Variants in PCDHB10 observed in about 807,000 individuals in gnomAD.
PCDHB10 encodes the protein protocadherin beta-10.
For missense variants in PCDHB10, 1,046 were observed against 1,004.7 expected (o/e 1.04, Z -0.56); for synonymous variants, 448 against 449.2 (o/e 1.00, Z 0.04).
At position 141,193,934 on chromosome 5, in the gene PCDHB10, G is replaced by C. The variant is rs782182690; in HGVS notation, c.1382G>C (p.Arg461Pro). The change falls in exon 1 of 1, where the codon CGC (arginine) becomes CCC (proline). Residue 461 changes from arginine (R) to proline (P), a missense_variant. By Grantham distance (103) the Arg-to-Pro change is moderately radical (BLOSUM62 -2). Transcript: ENST00000239446. ...FTQTSYTLFV[R>P]ENNSPALHIG... is the part of the protein sequence containing the mutation. Reference sequence around the variant, plus strand: ...CAAACCTCCTACACCCTGTTCGTCCGCGAGAACAACAGCCCCGCCCTGCAC... The same window carrying C: ...CAAACCTCCTACACCCTGTTCGTCCCCGAGAACAACAGCCCCGCCCTGCAC... 3.7e-6 allele frequency: 6 copies of C among 1,612,422 alleles called. No homozygotes were observed. The highest frequency in any genetic ancestry group is 3.3e-5 in the South Asian group (3 of 90,994).
At position 141,194,842 on chromosome 5, in the gene PCDHB10, A is replaced by C; in HGVS notation, c.2290A>C (p.Ser764Arg). 3 of 1,614,200 alleles carry C rather than the reference A, an allele frequency of 1.9e-6. No individual in the cohort carries two copies. Among genetic ancestry groups the C allele is most frequent in the Non-Finnish European group, 2.5e-6 (3 of 1,180,038 alleles). Residue 764 changes from serine (S) to arginine (R), a missense_variant, in exon 1 of 1, where the codon AGT becomes CGT. Physicochemically the swap from Ser to Arg is moderately radical, Grantham distance 110. Coordinates refer to ENST00000239446, the MANE Select transcript of PCDHB10 (RefSeq NM_018930.4). ...GTGTCTGACGGGAGGCCCCGGGACC[A>C]GTGAGTTCAAGTTCTTGAAACCAGT... Reference protein sequence around the residue: ...EVCLTGGPGTSEFKFLKPVIS... With the variant: ...EVCLTGGPGTREFKFLKPVIS...
In PCDHB10 at chr5:141,193,802, A is replaced by G. The variant is rs1272046955; in HGVS notation, c.1250A>G (p.Tyr417Cys). The G allele has an allele frequency of 1.2e-6, 2 of 1,614,094 alleles. No homozygotes were observed. The highest frequency in any genetic ancestry group is 1.7e-6 in the Non-Finnish European group (2 of 1,180,050). Residue 417 changes from tyrosine to cysteine, a missense_variant, in exon 1 of 1, where the codon TAC becomes TGC. Transcript: ENST00000239446. ...GALDREIRAE[Y>C]NITITVTDLG... ...CTGGACAGAGAGATCAGAGCCGAGTACAACATCACTATCACCGTCACTGAC... is the reference window on the plus strand; with the variant it reads ...CTGGACAGAGAGATCAGAGCCGAGTGCAACATCACTATCACCGTCACTGAC...
In PCDHB10 at chr5:141,194,714, C is replaced by A. The variant is rs781971881; in HGVS notation, c.2162C>A (p.Ala721Glu). The change falls in exon 1 of 1, where the codon GCG (alanine) becomes GAG (glutamate). Residue 721 changes from alanine to glutamate, a missense_variant. Ala to Glu is a moderately radical substitution (Grantham distance 107). Coordinates refer to ENST00000239446, the MANE Select transcript of PCDHB10 (RefSeq NM_018930.4). ...GTGCGGCTGTGCAGGAGGAGCAGGGCGGCCTCGGTGGGTCGCTGCTCGGTG... is the reference window on the plus strand; with the variant it reads ...GTGCGGCTGTGCAGGAGGAGCAGGGAGGCCTCGGTGGGTCGCTGCTCGGTG... ...VAVRLCRRSR[A>E]ASVGRCSVPE... The A allele has an allele frequency of 3.7e-6, 6 of 1,610,590 alleles. No homozygotes were observed. The East Asian group carries it at 1.3e-4, about 36-fold the overall frequency.
In PCDHB10 at chr5:141,194,973, A is replaced by G. The variant is rs190899451; in HGVS notation, c.*18A>G. On this transcript the variant is annotated 3_prime_UTR_variant, in exon 1 of 1. Coordinates refer to ENST00000239446, the MANE Select transcript of PCDHB10 (RefSeq NM_018930.4). ...TTCAGTAAAGTCTGTTTTTAGTTTC[A>G]TATACTTTTGGTGTGTTACATAGCC... is the stretch of plus-strand genomic sequence containing the variant. 2.1e-5 allele frequency: 33 copies of G among 1,567,672 alleles called. No homozygotes were observed. In the African/African-American group the frequency reaches 3.8e-4, roughly 18 times the overall value.
rs370475210 is a variant in PCDHB10, at chr5:141,193,508, T to C, written c.956T>C (p.Ile319Thr). 6.8e-6 allele frequency: 11 copies of C among 1,614,014 alleles called. No homozygotes were observed. In the African/African-American group the frequency reaches 1.2e-4, roughly 18 times the overall value. ...YELVNSYKINIQAMDGGGLSA... is the reference protein window; with the variant it reads ...YELVNSYKINTQAMDGGGLSA... ...TTAGTAAATTCTTACAAAATAAATA[T>C]ACAGGCAATGGACGGTGGAGGCCTT... The change falls in exon 1 of 1, where the codon ATA becomes ACA. Residue 319 changes from isoleucine to threonine, a missense_variant. Ile to Thr is a moderately conservative substitution (Grantham distance 89, BLOSUM62 -1). Transcript: ENST00000239446.
In PCDHB10 at chr5:141,195,352, GTGTTTGAAAACCATGTCATT is replaced by G. The variant is rs1159101009; in HGVS notation, c.*399_*418del. 1 of 170,738 alleles carries G rather than the reference GTGTTTGAAAACCATGTCATT, an allele frequency of 5.9e-6. No individual in the cohort carries two copies. The highest frequency in any genetic ancestry group is 6.4e-5 in the Admixed American group (1 of 15,730). The allele number at this position is 170,738 out of a possible 1,614,324, so 10.6% of individuals were successfully genotyped here. A position where few individuals can be genotyped will look rare whatever the true frequency, so the allele number is the denominator to read the frequency against. On this transcript the variant is annotated 3_prime_UTR_variant, in exon 1 of 1. Transcript: ENST00000239446. ...ACTCATTCTAACATTCTATATATTCGTGTTTGAAAACCATGTCATTTATTTCTACATCATGTATTTAAAAA... is the reference window on the plus strand; with the variant it reads ...ACTCATTCTAACATTCTATATATTCGTATTTCTACATCATGTATTTAAAAA...
Position 141,192,478 on chromosome 5 carries a change from AG to A in PCDHB10, c.-72del. ...CCCCTGGGCTACACGGCGTAGGTGC[AG>A]GGTTTCCTACTGCTGTTCTTTTATG... On this transcript the variant is annotated 5_prime_UTR_variant, in exon 1 of 1. Transcript: ENST00000239446. 1 of 1,547,202 alleles carries A rather than the reference AG, an allele frequency of 6.5e-7. No homozygotes were observed. The highest frequency in any genetic ancestry group is 1.3e-5 in the South Asian group (1 of 78,484).
Position 141,193,241 on chromosome 5 carries a change from T to G in PCDHB10, c.689T>G (p.Ile230Ser). 1 of 1,614,110 alleles carries G rather than the reference T, an allele frequency of 6.2e-7. No individual in the cohort carries two copies. Among genetic ancestry groups the G allele is most frequent in the Non-Finnish European group, 8.5e-7 (1 of 1,180,032 alleles). The part of the protein sequence containing the change: ...PSRSGTSTVR[I>S]VVLDVNDNAP... The stretch of plus-strand genomic sequence containing the variant: ...AGGTCTGGGACCTCTACTGTACGCA[T>G]CGTTGTCTTGGACGTCAATGACAAT... The change falls in exon 1 of 1, where the codon ATC (isoleucine) becomes AGC (serine). Residue 230 changes from isoleucine (I) to serine (S), a missense_variant. Coordinates refer to ENST00000239446, the MANE Select transcript of PCDHB10 (RefSeq NM_018930.4).
In PCDHB10 at chr5:141,194,850, C is replaced by T. The variant is rs782391418; in HGVS notation, c.2298C>T (p.Phe766=). Residue 766 remains phenylalanine, a synonymous_variant, in exon 1 of 1, where the codon TTC becomes TTT. Transcript: ENST00000239446. The stretch of plus-strand genomic sequence containing the variant: ...CGGGAGGCCCCGGGACCAGTGAGTT[C>T]AAGTTCTTGAAACCAGTTATTTCGG... ...CLTGGPGTSE[F]KFLKPVISDI... 1 of 1,614,164 alleles carries T rather than the reference C, an allele frequency of 6.2e-7. No individual in the cohort carries two copies. The highest frequency in any genetic ancestry group is 1.3e-5 in the African/African-American group (1 of 75,032).
Position 141,194,820 on chromosome 5 carries a change from T to A in PCDHB10, c.2268T>A (p.Cys756Ter). ...CCCAGAGCTACCAGTATGAGGTGTGTCTGACGGGAGGCCCCGGGACCAGTG... is the reference window on the plus strand; with the variant it reads ...CCCAGAGCTACCAGTATGAGGTGTGACTGACGGGAGGCCCCGGGACCAGTG... ...TLSQSYQYEV[C>*]LTGGPGTSEF... Residue 756 changes from cysteine (C) to a stop codon, truncating the protein, a stop_gained, in exon 1 of 1, where the codon TGT (cysteine) becomes TGA (stop). Transcript: ENST00000239446. LOFTEE classifies it low-confidence loss of function (END_TRUNC). The A allele has an allele frequency of 6.2e-7, 1 of 1,614,174 alleles. No homozygotes were observed. Among genetic ancestry groups the A allele is most frequent in the Non-Finnish European group, 8.5e-7 (1 of 1,180,030 alleles).
rs1588373724 is a variant in PCDHB10, at chr5:141,194,748, T to C, written c.2196T>C (p.Gly732=). 6.2e-7 allele frequency: 1 copy of C among 1,613,524 alleles called. No individual in the cohort carries two copies. The highest frequency in any genetic ancestry group is 8.5e-7 in the Non-Finnish European group (1 of 1,179,942). ...ASVGRCSVPE[G]PFPGHLVDVR... Reference sequence around the variant, plus strand: ...TGGGTCGCTGCTCGGTGCCCGAGGGTCCTTTTCCAGGGCATCTGGTGGACG... The same window carrying C: ...TGGGTCGCTGCTCGGTGCCCGAGGGCCCTTTTCCAGGGCATCTGGTGGACG... The change falls in exon 1 of 1, where the codon GGT becomes GGC. Residue 732 remains glycine (G), a synonymous_variant. Coordinates refer to ENST00000239446, the MANE Select transcript of PCDHB10 (RefSeq NM_018930.4).
chr5:141,192,597 G>A lies in PCDHB10; in HGVS notation c.45G>A (p.Leu15=), dbSNP rs1321556595. 1 of 1,614,022 alleles carries A rather than the reference G, an allele frequency of 6.2e-7. No homozygotes were observed. The highest frequency in any genetic ancestry group is 2.2e-5 in the East Asian group (1 of 44,904). ...ELCFPRQRQV[L]FLFLFWGVSL... Reference sequence around the variant, plus strand: ...GCTTCCCAAGACAAAGGCAAGTCCTGTTTCTTTTTCTTTTTTGGGGAGTGT... The same window carrying A: ...GCTTCCCAAGACAAAGGCAAGTCCTATTTCTTTTTCTTTTTTGGGGAGTGT... Residue 15 remains leucine (L), a synonymous_variant, in exon 1 of 1, where the codon CTG becomes CTA. Coordinates refer to ENST00000239446, the MANE Select transcript of PCDHB10 (RefSeq NM_018930.4).
In PCDHB10 at chr5:141,193,621, G is replaced by C; in HGVS notation, c.1069G>C (p.Ala357Pro). The C allele has an allele frequency of 6.2e-7, 1 of 1,614,122 alleles. No individual in the cohort carries two copies. Among genetic ancestry groups the C allele is most frequent in the Non-Finnish European group, 8.5e-7 (1 of 1,180,016 alleles). ...LIVSSFSNSV[A>P]ENSPETPLAV... ...CGTATCATCATTTTCCAACTCTGTTGCTGAGAATTCTCCTGAGACGCCGCT... is the reference window on the plus strand; with the variant it reads ...CGTATCATCATTTTCCAACTCTGTTCCTGAGAATTCTCCTGAGACGCCGCT... The change falls in exon 1 of 1, where the codon GCT (alanine) becomes CCT (proline). Residue 357 changes from alanine to proline, a missense_variant. By Grantham distance (27) the Ala-to-Pro change is conservative. Coordinates refer to ENST00000239446, the MANE Select transcript of PCDHB10 (RefSeq NM_018930.4).
chr5:141,194,624 A>C lies in PCDHB10; in HGVS notation c.2072A>C (p.Tyr691Ser), dbSNP rs781796342. ...GCCGAGGCCGACTTGCTCACCGTCT[A>C]CCTGGTGGTGGCGTTGGCCTCGGTG... is the stretch of plus-strand genomic sequence containing the variant. ...AQAEADLLTV[Y>S]LVVALASVSS... The change falls in exon 1 of 1, where the codon TAC becomes TCC. Residue 691 changes from tyrosine to serine, a missense_variant. Coordinates refer to ENST00000239446, the MANE Select transcript of PCDHB10 (RefSeq NM_018930.4). 6.3e-7 allele frequency: 1 copy of C among 1,596,682 alleles called. No individual in the cohort carries two copies. The highest frequency in any genetic ancestry group is 8.5e-7 in the Non-Finnish European group (1 of 1,177,286).
chr5:141,194,804 A>G lies in PCDHB10; in HGVS notation c.2252A>G (p.Tyr751Cys). The G allele has an allele frequency of 1.2e-6, 2 of 1,614,008 alleles. No homozygotes were observed. Among genetic ancestry groups the G allele is most frequent in the Non-Finnish European group, 1.7e-6 (2 of 1,179,998 alleles). ...GGCGCTGAGACCCTGTCCCAGAGCT[A>G]CCAGTATGAGGTGTGTCTGACGGGA... ...VRGAETLSQS[Y>C]QYEVCLTGGP... is the part of the protein sequence containing the mutation. The change falls in exon 1 of 1, where the codon TAC becomes TGC. Residue 751 changes from tyrosine to cysteine, a missense_variant. Transcript: ENST00000239446.
Position 141,192,757 on chromosome 5 carries a change from G to A in PCDHB10, c.205G>A (p.Asp69Asn). The A allele has an allele frequency of 3.1e-6, 5 of 1,608,104 alleles. No homozygotes were observed. Among genetic ancestry groups the A allele is most frequent in the Non-Finnish European group, 3.4e-6 (4 of 1,176,024 alleles). The change falls in exon 1 of 1, where the codon GAT becomes AAT. Residue 69 changes from aspartate to asparagine, a missense_variant. Transcript: ENST00000239446. ...LAARGTRVVS[D>N]DNKQYLLLDS... ...TGCAAGGGGAACCAGGGTGGTTTCC[G>A]ATGATAACAAACAATACCTGCTCCT...
chr5:141,193,116 C>T lies in PCDHB10; in HGVS notation c.564C>T (p.Gly188=). 4.3e-6 allele frequency: 7 copies of T among 1,614,136 alleles called. No individual in the cohort carries two copies. In the South Asian group the frequency reaches 6.6e-5, roughly 15 times the overall value. The change falls in exon 1 of 1, where the codon GGC becomes GGT. Residue 188 remains glycine, a synonymous_variant. Coordinates refer to ENST00000239446, the MANE Select transcript of PCDHB10 (RefSeq NM_018930.4). The part of the protein sequence containing the change: ...FHINISGGDE[G]MIYPELVLDK... Reference sequence around the variant, plus strand: ...TTAACATTAGTGGCGGTGATGAAGGCATGATATATCCAGAGCTAGTGTTGG... The same window carrying T: ...TTAACATTAGTGGCGGTGATGAAGGTATGATATATCCAGAGCTAGTGTTGG...
Position 141,193,588 on chromosome 5 carries a change from G to A in PCDHB10, c.1036G>A (p.Glu346Lys). The A allele has an allele frequency of 6.2e-7, 1 of 1,614,062 alleles. No homozygotes were observed. The highest frequency in any genetic ancestry group is 8.5e-7 in the Non-Finnish European group (1 of 1,180,024). Reference sequence around the variant, plus strand: ...ATTGGACACCAATGACAATCCCCCTGAACTGATCGTATCATCATTTTCCAA... The same window carrying A: ...ATTGGACACCAATGACAATCCCCCTAAACTGATCGTATCATCATTTTCCAA... ...EVLDTNDNPP[E>K]LIVSSFSNSV... Residue 346 changes from glutamate (E) to lysine (K), a missense_variant, in exon 1 of 1, where the codon GAA becomes AAA. By Grantham distance (56) the Glu-to-Lys change is moderately conservative. Transcript: ENST00000239446.
rs782201450 is a variant in PCDHB10 at position 141,194,026 on chromosome 5, C to T, written c.1474C>T (p.Pro492Ser). The change falls in exon 1 of 1, where the codon CCG becomes TCG. Residue 492 changes from proline to serine, a missense_variant. Pro to Ser is a moderately conservative substitution (Grantham distance 74). Coordinates refer to ENST00000239446, the MANE Select transcript of PCDHB10 (RefSeq NM_018930.4). ...TNAQVTYSLL[P>S]PQDPHLPLAS... is the part of the protein sequence containing the mutation. ...CGCCCAGGTCACCTACTCGCTGCTG[C>T]CGCCCCAAGACCCGCACCTGCCCCT... The T allele has an allele frequency of 1.1e-5, 17 of 1,608,686 alleles. No individual in the cohort carries two copies. The highest frequency in any genetic ancestry group is 3.3e-5 in the Admixed American group (2 of 59,856).
Sources: gnomAD v4.1 joint callset for allele counts on GRCh38, gnomAD v4.1.1 for gene constraint, MANE v1.5 for transcripts, NCBI Gene and HGNC (gene_info 2026-07-23, HGNC 2026-07-21) for gene names.